The following PSAP variants were observed in gnomAD, a reference collection of about 807,000 sequenced individuals.
The protein encoded by PSAP is precursor of saposins.
In PSAP, 25 loss-of-function variants were observed where a neutral mutation model predicts 66.0. That is an observed-to-expected ratio of 0.38 (90% CI 0.28 to 0.53). The LOEUF (loss-of-function observed/expected upper bound fraction) is 0.53. Ranked by LOEUF, PSAP falls within the 20% of genes least tolerant of loss-of-function variation. The pLI is 0.83. For missense variants in PSAP, 649 were observed against 668.8 expected, an observed-to-expected ratio of 0.97 and a Z score of 0.33; for synonymous variants, 273 against 258.9, an observed-to-expected ratio of 1.05 and a Z score of -0.52.
At chr10:71,849,352 A>C (rs1434408918) in intron 1 of PSAP, among the ~76,000 whole-genome samples, 1 of 152,214 alleles carries the variant, frequency 6.6e-6, no homozygotes, top group African/African-American at 2.4e-5. Context: ...CAACCCTGTC[A>C]TCCACTTTGT....
At chr10:71,835,323 C>G (rs761980430) in intron 1 of PSAP, among the ~76,000 whole-genome samples, 1 of 152,142 alleles carries the variant, frequency 6.6e-6, no homozygotes, top group Non-Finnish European at 1.5e-5. Flanking sequence ...TGGCTCATGC[C>G]TATAATCTCA....
At chr10:71,819,336 A>G (rs1842243244) in intron 11 of PSAP, 129 bp downstream of exon 11, 4 of 1,408,422 alleles carry the variant, frequency 2.8e-6, no homozygotes. Context: ...ATCACCTCCA[A>G]GTAAAACTTC....
intron 4 of PSAP, among the ~76,000 whole-genome samples, chr10:71,830,545 G>T (rs539985700): frequency 2.6e-5 from 4 of 152,350 alleles, no homozygotes; most frequent in Admixed American, 2.6e-4. Flanking sequence ...CACAACCCCT[G>T]CCTTCCTCAC....
intron 8 of PSAP, among the ~76,000 whole-genome samples, chr10:71,821,086 G>A (rs919097975): frequency 8.5e-5 from 13 of 152,230 alleles, no homozygotes; most frequent in African/African-American, 2.9e-4. Context: ...GGAGCACCCG[G>A]TGGAGAGGAA....
At chr10:71,837,052 A>G (rs897159388) in intron 1 of PSAP, among the ~76,000 whole-genome samples, 4 of 152,210 alleles carry the variant, frequency 2.6e-5, no homozygotes, top group African/African-American at 9.7e-5. Context: ...GGAGGCAAAA[A>G]GATACGCATG....
At chr10:71,827,726 CAAAA>C (rs1183654773) in intron 6 of PSAP, among the ~76,000 whole-genome samples, 2 of 84,562 alleles carry the variant, frequency 2.4e-5, no homozygotes, top group Admixed American at 1.3e-4. Context: ...CACTCAGTCT[CAAAA>C]AAAAAAAAAA....
intron 1 of PSAP, among the ~76,000 whole-genome samples, chr10:71,844,131 C>G (rs898596082): frequency 2.0e-5 from 3 of 152,322 alleles, no homozygotes; most frequent in Non-Finnish European, 2.9e-5. Context: ...TTAACAATAT[C>G]AAATGTTAAC....
At chr10:71,837,867 G>A (rs1017397179) in intron 1 of PSAP, among the ~76,000 whole-genome samples, 1 of 152,278 alleles carries the variant, frequency 6.6e-6, no homozygotes, top group African/African-American at 2.4e-5. Flanking sequence ...GGGAAGGGAA[G>A]AAACTGTCCT....
At chr10:71,836,374 T>C (rs1042558322) in intron 1 of PSAP, among the ~76,000 whole-genome samples, 1 of 151,978 alleles carries the variant, frequency 6.6e-6, no homozygotes, top group African/African-American at 2.4e-5. Context: ...GGAGGCAGAA[T>C]TGAGTCATGA....
chr10:71,835,821 G>GGA (rs1277650754), intron 1 of PSAP, among the ~76,000 whole-genome samples: 6 of 49,416 alleles, frequency 1.2e-4, no homozygotes, highest in African/African-American at 3.3e-4. Context: ...GTCTGAGACA[G>GGA]AAAAAAAAAA....
intron 1 of PSAP, among the ~76,000 whole-genome samples, chr10:71,840,431 A>T (rs1564825269): frequency 6.6e-6 from 1 of 152,314 alleles, no homozygotes; most frequent in East Asian, 1.9e-4. Context: ...AACACTAGCT[A>T]CTCAAACAGC....
chr10:71,819,064 C>G lies in PSAP; in HGVS notation c.1398G>C (p.Leu466=). 1 of 1,614,186 alleles carries G rather than the reference C, an allele frequency of 6.2e-7. No individual in the cohort carries two copies. Among genetic ancestry groups the G allele is most frequent in the Non-Finnish European group, 8.5e-7 (1 of 1,180,026 alleles). ...AEYEPVLIEI[L]VEVMDPSFVC... Reference sequence around the variant, plus strand: ...CGAAGGAAGGATCCATCACCTCCACCAGGATCTCGATCAGCACGGGCTCGT... The same window carrying G: ...CGAAGGAAGGATCCATCACCTCCACGAGGATCTCGATCAGCACGGGCTCGT... The change falls in exon 12 of 14, where the codon CTG becomes CTC. Residue 466 remains leucine (L), a synonymous_variant. Transcript: ENST00000394936.
At chr10:71,821,402 CT>C (rs1281439893) in intron 8 of PSAP, among the ~76,000 whole-genome samples, 1 of 152,210 alleles carries the variant, frequency 6.6e-6, no homozygotes, top group Non-Finnish European at 1.5e-5. Context: ...ATGAAGTAGT[CT>C]AATCTTCACC....
chr10:71,841,298 A>G (rs1310671905), intron 1 of PSAP, among the ~76,000 whole-genome samples: 1 of 152,384 alleles, frequency 6.6e-6, no homozygotes, highest in Admixed American at 6.5e-5. Context: ...ATGCTGAAAA[A>G]GGTTTCATGC....
At chr10:71,846,705 C>A (rs1385931044) in intron 1 of PSAP, among the ~76,000 whole-genome samples, 1 of 131,960 alleles carries the variant, frequency 7.6e-6, no homozygotes, top group Non-Finnish European at 1.5e-5. Context: ...GCACTCCAGC[C>A]TGGGCAACAG....
intron 1 of PSAP, among the ~76,000 whole-genome samples, chr10:71,843,543 A>T (rs555704482): frequency 6.6e-6 from 1 of 152,300 alleles, no homozygotes; most frequent in East Asian, 1.9e-4. Flanking sequence ...TGACGTTTCC[A>T]CTCATGTAAA....
intron 7 of PSAP, among the ~76,000 whole-genome samples, chr10:71,822,950 AAAAT>A (rs35027678): frequency 7.2e-4 from 108 of 149,890 alleles, no homozygotes; most frequent in African/African-American, 2.5e-3. Flanking sequence ...TTAAGAATGA[AAAAT>A]AAATAAATAA....
rs773913014 is a variant in PSAP at position 71,828,096 on chromosome 10, C to T, written c.638G>A (p.Arg213Gln). Residue 213 changes from arginine to glutamine, a missense_variant, in exon 6 of 14, where the codon CGG becomes CAG. Coordinates refer to ENST00000394936, the MANE Select transcript of PSAP (RefSeq NM_002778.4). ...QMVTDIQTAV[R>Q]TNSTFVQALV... The stretch of plus-strand genomic sequence containing the variant: ...GGCCTGGACAAAGGTGGAGTTGGTC[C>T]GTACAGCAGTCTGGATGTCAGTCAC... The T allele has an allele frequency of 5.1e-5, 82 of 1,613,984 alleles. No individual in the cohort carries two copies. Among genetic ancestry groups the T allele is most frequent in the Non-Finnish European group, 5.9e-5 (70 of 1,180,044 alleles).
chr10:71,838,395 T>C (rs1842667958), intron 1 of PSAP, among the ~76,000 whole-genome samples: 1 of 151,532 alleles, frequency 6.6e-6, no homozygotes, highest in African/African-American at 2.4e-5. Flanking sequence ...CCTGGAGGAC[T>C]GGGGATGAGT....
Sources: allele counts gnomAD v4.1 joint callset (sites outside exome capture counted in the v4.1 genomes callset), GRCh38; gene constraint gnomAD v4.1.1; transcripts MANE v1.5; gene names NCBI Gene and HGNC (gene_info 2026-07-23, HGNC 2026-07-21).